The following LATS2 variants were observed in gnomAD, a reference collection of about 807,000 sequenced individuals.
The protein encoded by LATS2 is large tumor suppressor kinase 2.
LATS2 carries 24 observed loss-of-function variants against 76.0 expected under a neutral mutation model. The observed-to-expected ratio is 0.32, with a 90% CI of 0.23 to 0.44. LATS2 has a LOEUF of 0.44. LATS2 is among the 20% of genes least tolerant of loss of function. The pLI, the probability that LATS2 is intolerant of heterozygous loss-of-function variation, is 1.00. For synonymous variants in LATS2, 692 were observed against 635.4 expected (o/e 1.09, Z -1.34); for missense variants, 1,286 against 1,481.2 (o/e 0.87, Z 2.16).
chr13:20,979,950 G>GGTGGGGT (rs1869797813), intron 6 of LATS2, among the ~76,000 whole-genome samples, 153 bp from the exon 7 acceptor site: 2 of 152,148 alleles, frequency 1.3e-5, no homozygotes, highest in Non-Finnish European at 2.9e-5. Context: ...TAAGTACCTG[G>GGTGGGGT]ATACTACTGG....
chr13:21,034,843 A>G, intron 2 of LATS2, among the ~76,000 whole-genome samples: 1 of 152,242 alleles, frequency 6.6e-6, no homozygotes, highest in Non-Finnish European at 1.5e-5. Flanking sequence ...AAAAAAAGGC[A>G]TCCGCTAACA....
At position 21,045,785 on chromosome 13, in the gene LATS2, C is replaced by T; in HGVS notation, c.242G>A (p.Arg81Lys). The part of the protein sequence containing the change: ...GPYQKALREI[R>K]YSLLPFANES... ...ATTAGCAAAAGGCAACAAGGAATAT[C>T]TGATTTCCCTCAAGGCTTTCTGATA... Residue 81 changes from arginine (R) to lysine (K), a missense_variant, in exon 2 of 8, where the codon AGA (arginine) becomes AAA (lysine). Arg to Lys is a conservative substitution (Grantham distance 26). Transcript: ENST00000382592. The T allele has an allele frequency of 6.2e-7, 1 of 1,614,254 alleles. No individual in the cohort carries two copies. The highest frequency in any genetic ancestry group is 1.1e-5 in the South Asian group (1 of 91,086).
chr13:20,988,386 C>A lies in LATS2; in HGVS notation c.1394G>T (p.Trp465Leu). ...QTAVGPSHPA[W>L]VPAPAPAPAP... ...GGGGGCCGGGGCAGGCGCGGGCACC[C>A]AGGCGGGGTGCGAGGGCCCCACAGC... The change falls in exon 4 of 8, where the codon TGG becomes TTG. Residue 465 changes from tryptophan (W) to leucine (L), a missense_variant. Physicochemically the swap from Trp to Leu is moderately conservative, Grantham distance 61. This residue lies in a region of LATS2 where 710 missense variants were observed against 660.9 expected (regional missense o/e 1.07). Transcript: ENST00000382592. 1 of 1,371,380 alleles carries A rather than the reference C, an allele frequency of 7.3e-7. No individual in the cohort carries two copies. The highest frequency in any genetic ancestry group is 9.3e-7 in the Non-Finnish European group (1 of 1,071,934). The allele number at this position is 1,371,380 out of a possible 1,614,324, so 85.0% of individuals were successfully genotyped here.
intron 1 of LATS2, among the ~76,000 whole-genome samples, chr13:21,047,419 C>A (rs9509502): frequency 6.6e-6 from 1 of 151,950 alleles, no homozygotes; most frequent in African/African-American, 2.4e-5. Context: ...GCTGCTCTAA[C>A]CCAGGGAAGG....
Position 20,988,888 on chromosome 13 carries a change from G to A in LATS2, c.892C>T (p.Pro298Ser). The change falls in exon 4 of 8, where the codon CCA becomes TCA. Residue 298 changes from proline (P) to serine (S), a missense_variant. Physicochemically the swap from Pro to Ser is moderately conservative, Grantham distance 74. Transcript: ENST00000382592. Reference sequence around the variant, plus strand: ...GGTGGGAAAGCGAGGCCGGCGCCTGGCGGTCCTCCCTGGCCCTTCGTGGGC... The same window carrying A: ...GGTGGGAAAGCGAGGCCGGCGCCTGACGGTCCTCCCTGGCCCTTCGTGGGC... ...SLPTKGQGGP[P>S]GAGLAFPPPA... is the part of the protein sequence containing the mutation. 6.5e-7 allele frequency: 1 copy of A among 1,548,494 alleles called. No individual in the cohort carries two copies.
chr13:21,012,026 G>A (rs1287595862), intron 2 of LATS2, among the ~76,000 whole-genome samples: 2 of 152,152 alleles, frequency 1.3e-5, no homozygotes, highest in Non-Finnish European at 2.9e-5. Context: ...CCCTGGCCAG[G>A]AATCATTTTT....
chr13:20,996,563 T>C (rs979469570), intron 2 of LATS2, among the ~76,000 whole-genome samples: 1 of 152,120 alleles, frequency 6.6e-6, no homozygotes, highest in Non-Finnish European at 1.5e-5. Flanking sequence ...GTATTTTTAG[T>C]AGAGGTGGCG....
At chr13:21,006,494 A>G (rs899219603) in intron 2 of LATS2, among the ~76,000 whole-genome samples, 2 of 152,234 alleles carry the variant, frequency 1.3e-5, no homozygotes, top group Non-Finnish European at 2.9e-5. Flanking sequence ...TTGAGCATTA[A>G]TAGCCAAAAA....
In LATS2 at chr13:20,991,069, CG is replaced by C. The variant is rs1753151556; in HGVS notation, c.475+202del. 6.6e-6 allele frequency among the ~76,000 whole-genome samples: 1 copy of C among 152,384 alleles called. No homozygotes were observed. The highest frequency in any genetic ancestry group is 3.4e-3 in the Middle Eastern group (1 of 294). Reference sequence around the variant, plus strand: ...TGGGGCAAGCGCCAGGCGTGTCCCACGGTCTACCACTTGGGGCTGCTCCCGC... The same window carrying C: ...TGGGGCAAGCGCCAGGCGTGTCCCACGTCTACCACTTGGGGCTGCTCCCGC... On this transcript the variant is annotated intron_variant, in intron 3 of 7. Transcript: ENST00000382592. The surrounding 1 kb of genome is among the most constrained non-coding windows in gnomAD (Gnocchi z 4.9).
At position 20,988,114 on chromosome 13, in the gene LATS2, T is replaced by C. The variant is rs886939722; in HGVS notation, c.1666A>G (p.Lys556Glu). ...TCCCCCTTGGCGCTTTTGCGGCTCTTGTCGCCGCCCTCGGGCTCGTTGGGG... is the reference window on the plus strand; with the variant it reads ...TCCCCCTTGGCGCTTTTGCGGCTCTCGTCGCCGCCCTCGGGCTCGTTGGGG... ...AGPNEPEGGD[K>E]SRKSAKGDKG... Residue 556 changes from lysine (K) to glutamate (E), a missense_variant, in exon 4 of 8, where the codon AAG (lysine) becomes GAG (glutamate). Coordinates refer to ENST00000382592, the MANE Select transcript of LATS2 (RefSeq NM_014572.3). The C allele has an allele frequency of 4.3e-6, 7 of 1,614,132 alleles. No individual in the cohort carries two copies. In the African/African-American group the frequency reaches 9.3e-5, roughly 22 times the overall value.
intron 1 of LATS2, among the ~76,000 whole-genome samples, chr13:21,060,374 C>A (rs1276232047): frequency 6.6e-6 from 1 of 152,244 alleles, no homozygotes; most frequent in Non-Finnish European, 1.5e-5. Flanking sequence ...AAGCCAAACC[C>A]CCCACACGTC....
At chr13:21,055,573 C>T (rs995767305) in intron 1 of LATS2, among the ~76,000 whole-genome samples, 1 of 152,156 alleles carries the variant, frequency 6.6e-6, no homozygotes, top group Non-Finnish European at 1.5e-5. Context: ...AAACCCAATT[C>T]CAACCCTCAA....
chr13:20,974,761 G>T lies in LATS2; in HGVS notation c.*109C>A. 1 of 1,175,362 alleles carries T rather than the reference G, an allele frequency of 8.5e-7. No individual in the cohort carries two copies. Among genetic ancestry groups the T allele is most frequent in the Non-Finnish European group, 1.2e-6 (1 of 840,414 alleles). The allele number at this position is 1,175,362 out of a possible 1,614,324, so 72.8% of individuals were successfully genotyped here. On this transcript the variant is annotated 3_prime_UTR_variant, in exon 8 of 8. Coordinates refer to ENST00000382592, the MANE Select transcript of LATS2 (RefSeq NM_014572.3). ...AGAATTTCAAGTGAAGTAATCGACG[G>T]ACTAATTTAAAACAAAACAGCCCTC...
At chr13:21,058,080 G>C (rs1211933678) in intron 1 of LATS2, among the ~76,000 whole-genome samples, 1 of 152,218 alleles carries the variant, frequency 6.6e-6, no homozygotes, top group Non-Finnish European at 1.5e-5. Flanking sequence ...AAGATTCAGA[G>C]AATGTTTAGA....
At position 20,975,238 on chromosome 13, in the gene LATS2, G is replaced by A. The variant is rs1008485625; in HGVS notation, c.2899C>T (p.Leu967=). ...HRLGRNGADD[L]KAHPFFSAID... ...GCGCTGAAGAAGGGGTGGGCCTTCA[G>A]GTCATCGGCCCCATTCCGCCCCAGG... Residue 967 remains leucine, a synonymous_variant, in exon 8 of 8, where the codon CTG becomes TTG. Transcript: ENST00000382592. 1.2e-6 allele frequency: 2 copies of A among 1,614,120 alleles called. No individual in the cohort carries two copies. The highest frequency in any genetic ancestry group is 3.3e-5 in the Admixed American group (2 of 60,010).
intron 2 of LATS2, among the ~76,000 whole-genome samples, chr13:21,036,893 A>C (rs535499344): frequency 5.9e-5 from 9 of 152,222 alleles, no homozygotes; most frequent in Non-Finnish European, 1.3e-4. Context: ...TGGAAGTATA[A>C]ATTCAATTGA....
At chr13:21,019,269 T>TA (rs969899169) in intron 2 of LATS2, among the ~76,000 whole-genome samples, 2 of 151,060 alleles carry the variant, frequency 1.3e-5, no homozygotes, top group Non-Finnish European at 2.9e-5. Context: ...CTGTACATAT[T>TA]AAATCACTTT....
At chr13:20,997,715 G>A (rs914058076) in intron 2 of LATS2, among the ~76,000 whole-genome samples, 3 of 152,208 alleles carry the variant, frequency 2.0e-5, no homozygotes, top group African/African-American at 7.2e-5. Context: ...CAGGGCTTAC[G>A]AGGACGGGTG....
chr13:21,009,581 A>G (rs944024336), intron 2 of LATS2, among the ~76,000 whole-genome samples: 1 of 152,254 alleles, frequency 6.6e-6, no homozygotes, highest in African/African-American at 2.4e-5. Context: ...TTCCAGGTAT[A>G]TGTGGTGCAT....
Sources: gnomAD v4.1 joint callset for allele counts (sites outside exome capture counted in the v4.1 genomes callset) on GRCh38, gnomAD v4.1.1 for gene constraint, gnomAD v4.1.1 regional missense constraint, Gnocchi (gnomAD v3.1) non-coding constraint, MANE v1.5 for transcripts, NCBI Gene and HGNC (gene_info 2026-07-23, HGNC 2026-07-21) for gene names.